The following VIL1 variants were observed in gnomAD, a reference collection of about 807,000 sequenced individuals.
VIL1 encodes the protein villin-1.
VIL1 carries 86 observed loss-of-function variants against 104.0 expected under a neutral mutation model. The ratio of observed to expected loss-of-function variants is 0.83; its 90% CI spans 0.69 to 0.99. VIL1 has a LOEUF of 0.99. Among genes scored for constraint, VIL1 ranks in the 50% least tolerant of loss-of-function variants. The pLI is 0.00. For missense variants in VIL1, 944 were observed against 1,054.1 expected (o/e 0.90, Z 1.45); for synonymous variants, 394 against 412.6 (o/e 0.95, Z 0.55).
rs549854345 is a variant in VIL1, at chr2:218,434,192, C to T, written c.1501-334C>T. Among the ~76,000 whole-genome samples, 41 of 65,160 alleles carry T rather than the reference C, an allele frequency of 6.3e-4. No individual in the cohort carries two copies. In the East Asian group the frequency reaches 6.5e-3, roughly 10 times the overall value. The allele number at this position is 65,160 out of a possible 152,430, so 42.7% of individuals were successfully genotyped here. A position where few individuals can be genotyped will look rare whatever the true frequency, so the allele number is the denominator to read the frequency against. ...AGCCTGGGGAACAAGAGCAAAACTCCGTCTCAAAAAAAAAAAAAAAGCCTG... is the reference window on the plus strand; with the variant it reads ...AGCCTGGGGAACAAGAGCAAAACTCTGTCTCAAAAAAAAAAAAAAAGCCTG... On this transcript the variant is annotated intron_variant, in intron 13 of 19. Transcript: ENST00000248444.
chr2:218,429,382 T>C lies in VIL1; in HGVS notation c.665T>C (p.Leu222Pro), dbSNP rs1443530296. The change falls in exon 7 of 20, where the codon CTG (leucine) becomes CCG (proline). Residue 222 changes from leucine (L) to proline (P), a missense_variant. Physicochemically the swap from Leu to Pro is moderately conservative, Grantham distance 98 (BLOSUM62 -3). Transcript: ENST00000248444. ...DGENELASPK[L>P]MEVMNHVLGK... ...GAGAATGAATTGGCATCCCCGAAGC[T>C]GATGGAGGTGATGAACCACGTGCTG... 1 of 1,613,970 alleles carries C rather than the reference T, an allele frequency of 6.2e-7. No individual in the cohort carries two copies. Among genetic ancestry groups the C allele is most frequent in the Non-Finnish European group, 8.5e-7 (1 of 1,180,040 alleles).
At chr2:218,422,127 C>T (rs886426686) in intron 1 of VIL1, among the ~76,000 whole-genome samples, 17 of 152,148 alleles carry the variant, frequency 1.1e-4, no homozygotes, top group Middle Eastern at 3.4e-3. Flanking sequence ...TGGTGGCTCG[C>T]GCCTGTAATC....
At chr2:218,431,820 C>A in intron 10 of VIL1, 37 bp from the exon 11 acceptor site, 2 of 1,571,410 alleles carry the variant, frequency 1.3e-6, no homozygotes, top group African/African-American at 1.3e-5. Context: ...GAGACCTCAG[C>A]TGGTGACAGT....
In VIL1 at chr2:218,438,739, C is replaced by CAACTCTA; in HGVS notation, c.2229+13_2229+14insAACTCTA. The CAACTCTA allele has an allele frequency of 1.2e-6, 2 of 1,607,464 alleles. No individual in the cohort carries two copies. Among genetic ancestry groups the CAACTCTA allele is most frequent in the Non-Finnish European group, 1.7e-6 (2 of 1,178,074 alleles). On this transcript the variant is annotated intron_variant, in intron 18 of 19. Coordinates refer to ENST00000248444, the MANE Select transcript of VIL1 (RefSeq NM_007127.3). ...CCAGATCACTGCTGTGAGTCCGGGG[C>CAACTCTA]GGGGTGGCTGGGCCCTGCAGTGGCC...
intron 4 of VIL1, 149 bp from the exon 5 acceptor site, chr2:218,427,816 T>A: frequency 1.4e-6 from 1 of 690,712 alleles, no homozygotes; most frequent in Non-Finnish European, 2.5e-6. Context: ...AGTGACTCCC[T>A]AAAGTTTGCG....
intron 19 of VIL1, among the ~76,000 whole-genome samples, chr2:218,444,489 A>G (rs907044457): frequency 2.0e-5 from 3 of 151,224 alleles, no homozygotes; most frequent in Non-Finnish European, 4.4e-5. Context: ...TGTGTTAGCC[A>G]GGATGGTCTC....
chr2:218,440,730 A>C lies in VIL1; in HGVS notation c.2238A>C (p.Thr746=), dbSNP rs1689271642. ...TTCCTTTTCTTTCCTAGGAGGTCACAAGCCCCAAAGTGGACGTGTTCAATG... is the reference window on the plus strand; with the variant it reads ...TTCCTTTTCTTTCCTAGGAGGTCACCAGCCCCAAAGTGGACGTGTTCAATG... The part of the protein sequence containing the change: ...RDWSQITAEV[T]SPKVDVFNAN... The change falls in exon 19 of 20, where the codon ACA becomes ACC. Residue 746 remains threonine, a synonymous_variant. Transcript: ENST00000248444. 2.5e-6 allele frequency: 4 copies of C among 1,613,970 alleles called. No homozygotes were observed. The highest frequency in any genetic ancestry group is 2.5e-6 in the Non-Finnish European group (3 of 1,179,890).
At chr2:218,428,190 T>C (rs755295381) in intron 5 of VIL1, 37 bp from the exon 6 acceptor site, 2 of 1,607,554 alleles carry the variant, frequency 1.2e-6, no homozygotes, top group Non-Finnish European at 1.7e-6. Context: ...ATAGGTGAGC[T>C]CTGAGTGGGG....
In VIL1 at chr2:218,437,298, C is replaced by T. The variant is rs998820783; in HGVS notation, c.2146C>T (p.Pro716Ser). The T allele has an allele frequency of 6.2e-7, 1 of 1,613,814 alleles. No homozygotes were observed. Among genetic ancestry groups the T allele is most frequent in the Non-Finnish European group, 8.5e-7 (1 of 1,179,992 alleles). The change falls in exon 17 of 20, where the codon CCC becomes TCC. Residue 716 changes from proline to serine, a missense_variant. Coordinates refer to ENST00000248444, the MANE Select transcript of VIL1 (RefSeq NM_007127.3). ...TFTGWFLAWD[P>S]FKWSNTKSYE... ...CACAGGCTGGTTCCTGGCTTGGGAT[C>T]CCTTCAAGTGGAGTGTGAGTGGCCT...
At chr2:218,421,537 A>C (rs935051023) in intron 1 of VIL1, among the ~76,000 whole-genome samples, 1 of 152,108 alleles carries the variant, frequency 6.6e-6, no homozygotes, top group African/African-American at 2.4e-5. Context: ...AGACAGGAGA[A>C]GTGAGGAGGA....
At chr2:218,423,742 C>A in intron 1 of VIL1, 26 bp from the exon 2 acceptor site, 1 of 1,612,546 alleles carries the variant, frequency 6.2e-7, no homozygotes, top group Non-Finnish European at 8.5e-7. Flanking sequence ...TCAGGGTGCC[C>A]CTGCTCCCAA....
intron 2 of VIL1, 76 bp downstream of exon 2, chr2:218,423,929 A>G: frequency 6.5e-7 from 1 of 1,546,800 alleles, no homozygotes. Context: ...GAGGCCTGGG[A>G]TTTCTCTTCG....
intron 19 of VIL1, among the ~76,000 whole-genome samples, chr2:218,441,158 G>A (rs1256567471): frequency 2.0e-5 from 3 of 152,146 alleles, no homozygotes; most frequent in Admixed American, 2.0e-4. Flanking sequence ...GGAGGCCGAG[G>A]TGGGTGGATC....
At position 218,419,435 on chromosome 2, in the gene VIL1, C is replaced by T. The variant is rs147882980; in HGVS notation, c.-12+267C>T. On this transcript the variant is annotated intron_variant, in intron 1 of 19. Transcript: ENST00000248444. ...TAGCCCCATCCCACTTTGGGTGTCA[C>T]CATCCCAATTGCCCTGGAACTTCTA... is the stretch of plus-strand genomic sequence containing the variant. 8.8e-3 allele frequency among the ~76,000 whole-genome samples: 1,336 copies of T among 152,290 alleles called. 26 individuals are homozygous for T. Among genetic ancestry groups the T allele is most frequent in the African/African-American group, 0.03 (1,236 of 41,558 alleles).
intron 19 of VIL1, among the ~76,000 whole-genome samples, chr2:218,448,889 C>G (rs1689415531): frequency 6.6e-6 from 1 of 151,910 alleles, no homozygotes; most frequent in Admixed American, 6.6e-5. Flanking sequence ...CCTCTAATCT[C>G]AGCTACTTGG....
Position 218,432,118 on chromosome 2 carries a change from T to C in VIL1, c.1276T>C (p.Cys426Arg). The C allele has an allele frequency of 6.2e-7, 1 of 1,613,822 alleles. No individual in the cohort carries two copies. The highest frequency in any genetic ancestry group is 1.7e-5 in the Admixed American group (1 of 59,984). Residue 426 changes from cysteine (C) to arginine (R), a missense_variant, in exon 12 of 20, where the codon TGC becomes CGC. By Grantham distance (180) the Cys-to-Arg change is radical. Coordinates refer to ENST00000248444, the MANE Select transcript of VIL1 (RefSeq NM_007127.3). The part of the protein sequence containing the change: ...KWLGHFYGGD[C>R]YLLLYTYLIG... ...GCTAGGCCACTTCTATGGGGGCGACTGCTACCTGCTGCTCTACACCTACCT... is the reference window on the plus strand; with the variant it reads ...GCTAGGCCACTTCTATGGGGGCGACCGCTACCTGCTGCTCTACACCTACCT...
In VIL1 at chr2:218,432,910, CATCTT is replaced by C; in HGVS notation, c.1462_1466del (p.Leu488ValfsTer18). 6.2e-7 allele frequency: 1 copy of C among 1,614,216 alleles called. No individual in the cohort carries two copies. The highest frequency in any genetic ancestry group is 8.5e-7 in the Non-Finnish European group (1 of 1,180,034). On this transcript the variant is annotated frameshift_variant, in exon 13 of 20. Coordinates refer to ENST00000248444, the MANE Select transcript of VIL1 (RefSeq NM_007127.3). LOFTEE classifies it high-confidence loss of function. ...GGTCCCAATGGGCAAGGAGCCACCT[CATCTT>C]ATGTCCATCTTCAAGGGACGCATGG...
Position 218,425,768 on chromosome 2 carries a change from A to T in VIL1, c.304A>T (p.Asn102Tyr). Residue 102 changes from asparagine (N) to tyrosine (Y), a missense_variant, in exon 4 of 20, where the codon AAC (asparagine) becomes TAC (tyrosine). Coordinates refer to ENST00000248444, the MANE Select transcript of VIL1 (RefSeq NM_007127.3). ...RAVQHREVQGNESEAFRGYFK... is the reference protein window; with the variant it reads ...RAVQHREVQGYESEAFRGYFK... The stretch of plus-strand genomic sequence containing the variant: ...TGTGCAGCACCGCGAGGTCCAGGGC[A>T]ACGAGAGCGAGGCCTTCCGAGGCTA... 2 of 1,613,632 alleles carry T rather than the reference A, an allele frequency of 1.2e-6. No homozygotes were observed.
intron 19 of VIL1, among the ~76,000 whole-genome samples, chr2:218,447,330 T>C (rs1689382223): frequency 6.6e-6 from 1 of 152,162 alleles, no homozygotes; most frequent in African/African-American, 2.4e-5. Flanking sequence ...AATCTTTTTT[T>C]TGAGACAGGG....
Sources: gnomAD v4.1 joint callset for allele counts (sites outside exome capture counted in the v4.1 genomes callset) on GRCh38, gnomAD v4.1.1 for gene constraint, MANE v1.5 for transcripts, NCBI Gene and HGNC (gene_info 2026-07-23, HGNC 2026-07-21) for gene names.